FAM135B: variants seen among roughly 807,000 people sequenced by gnomAD.
FAM135B encodes the protein family with sequence similarity 135 member B.
A neutral mutation model predicts 127.7 loss-of-function variants in FAM135B; 43 were observed. That is an observed-to-expected ratio of 0.34 (90% CI 0.26 to 0.43). FAM135B has a LOEUF of 0.43. Ranked by LOEUF, FAM135B falls within the 20% of genes least tolerant of loss-of-function variation. The probability of loss-of-function intolerance (pLI) is 1.00; values close to 1 mark genes in which losing one functional copy is unlikely to be tolerated. For synonymous variants in FAM135B, 670 were observed against 665.1 expected, an observed-to-expected ratio of 1.01 and a Z score of -0.11; for missense variants, 1,558 against 1,725.6, an observed-to-expected ratio of 0.90 and a Z score of 1.72.
chr8:138,471,842 A>G (rs1837692216), intron 1 of FAM135B, among the ~76,000 whole-genome samples: 1 of 152,216 alleles, frequency 6.6e-6, no homozygotes, highest in African/African-American at 2.4e-5. Flanking sequence ...CGTACACCAC[A>G]ATGAAAACAA....
intron 12 of FAM135B, among the ~76,000 whole-genome samples, chr8:138,159,121 A>G: frequency 1.4e-5 from 2 of 145,572 alleles, no homozygotes; most frequent in Non-Finnish European, 3.0e-5. Context: ...AAATACAAAA[A>G]ATTAGCCGGG....
chr8:138,174,457 C>G (rs149097000), intron 11 of FAM135B, among the ~76,000 whole-genome samples: 121 of 152,212 alleles, frequency 7.9e-4, no homozygotes, highest in Non-Finnish European at 1.2e-3. Flanking sequence ...TCACAGTAAG[C>G]CTCACTTCTC....
chr8:138,335,733 G>A (rs1002695985), intron 2 of FAM135B, among the ~76,000 whole-genome samples: 15 of 152,082 alleles, frequency 9.9e-5, no homozygotes, highest in African/African-American at 1.4e-4. Flanking sequence ...CAGGAATTGA[G>A]CTCAGCTCTG....
rs992839334 is a variant in FAM135B, at chr8:138,443,483, T to C, written c.-20+53188A>G. Among the ~76,000 whole-genome samples the C allele has an allele frequency of 2.0e-5, 3 of 152,224 alleles. No homozygotes were observed. In the East Asian group the frequency reaches 5.8e-4, roughly 29 times the overall value. The stretch of plus-strand genomic sequence containing the variant: ...CCAAAAGCAAACAAAAAAAAGGACA[T>C]TTTTCAAAATCTTACACCAAACCTG... On this transcript the variant is annotated intron_variant, in intron 1 of 19. Coordinates refer to ENST00000395297, the MANE Select transcript of FAM135B (RefSeq NM_015912.4).
chr8:138,360,928 CT>C (rs5895517), intron 2 of FAM135B, among the ~76,000 whole-genome samples: 132,522 of 140,796 alleles, frequency 0.94, 62,348 homozygotes, highest in East Asian at 0.99. Context: ...TCCATTTCTT[CT>C]TTTTTTTTTT....
intron 2 of FAM135B, among the ~76,000 whole-genome samples, chr8:138,358,779 C>A (rs1282126247): frequency 6.6e-6 from 1 of 152,118 alleles, no homozygotes; most frequent in Non-Finnish European, 1.5e-5. Context: ...AGTTCTTTTA[C>A]AGCACAAAAC....
rs143340761 is a variant in FAM135B, at chr8:138,405,621, C to T, written c.-19-37619G>A. Among the ~76,000 whole-genome samples the T allele has an allele frequency of 2.6e-3, 398 of 152,184 alleles. 2 individuals are homozygous for T. Among genetic ancestry groups the T allele is most frequent in the African/African-American group, 9.0e-3 (372 of 41,514 alleles). On this transcript the variant is annotated intron_variant, in intron 1 of 19. Coordinates refer to ENST00000395297, the MANE Select transcript of FAM135B (RefSeq NM_015912.4). ...CTTAATGCAGTCTATCATTGTTAGA[C>T]ATTTGGGTTGGTTCCAAATCTTTGC...
In FAM135B at chr8:138,285,033, C is replaced by A. The variant is rs142304759; in HGVS notation, c.158-19191G>T. ...CATTTTCAAAGCATTTCCTTCTCAT[C>A]GGACCATTACAAAAAATAATAAAAA... On this transcript the variant is annotated intron_variant, in intron 3 of 19. Coordinates refer to ENST00000395297, the MANE Select transcript of FAM135B (RefSeq NM_015912.4). Among the ~76,000 whole-genome samples the A allele has an allele frequency of 3.8e-3, 573 of 150,884 alleles. 6 individuals carry two copies. The highest frequency in any genetic ancestry group is 0.013 in the African/African-American group (533 of 41,028).
chr8:138,388,236 C>G (rs966129993), intron 1 of FAM135B, among the ~76,000 whole-genome samples: 2 of 152,136 alleles, frequency 1.3e-5, no homozygotes, highest in Admixed American at 1.3e-4. Flanking sequence ...ATCCAGGAGA[C>G]TAACAATACC....
At chr8:138,330,455 C>G (rs1248381325) in intron 2 of FAM135B, among the ~76,000 whole-genome samples, 1 of 152,172 alleles carries the variant, frequency 6.6e-6, no homozygotes, top group African/African-American at 2.4e-5. Context: ...AACAATCTTG[C>G]TGAAACTTTT....
intron 11 of FAM135B, among the ~76,000 whole-genome samples, chr8:138,170,660 C>T (rs933415960): frequency 6.6e-6 from 1 of 152,190 alleles, no homozygotes; most frequent in Non-Finnish European, 1.5e-5. Context: ...TGGTAAAGCA[C>T]TATACATTCT....
In FAM135B at chr8:138,152,048, T is replaced by C. The variant is rs375472250; in HGVS notation, c.2427A>G (p.Pro809=). Residue 809 remains proline (P), a synonymous_variant, in exon 13 of 20, where the codon CCA becomes CCG. Transcript: ENST00000395297. ...SDMHSKSQGS[P]GSCSQLCGDS... Reference sequence around the variant, plus strand: ...CACCACAAAGTTGAGAGCAAGATCCTGGGGAACCTTGGCTCTTGCTGTGCA... The same window carrying C: ...CACCACAAAGTTGAGAGCAAGATCCCGGGGAACCTTGGCTCTTGCTGTGCA... The C allele has an allele frequency of 2.7e-5, 43 of 1,613,934 alleles. No homozygotes were observed. The African/African-American group carries it at 5.2e-4, about 20-fold the overall frequency.
intron 12 of FAM135B, among the ~76,000 whole-genome samples, chr8:138,160,404 T>G (rs2130849497): frequency 6.6e-6 from 1 of 152,088 alleles, no homozygotes; most frequent in Admixed American, 6.5e-5. Context: ...TATTTTTTCT[T>G]TTGAGATGGA....
chr8:138,184,193 A>G (rs1403545085), intron 9 of FAM135B, among the ~76,000 whole-genome samples: 1 of 152,186 alleles, frequency 6.6e-6, no homozygotes, highest in African/African-American at 2.4e-5. Context: ...CATAGCTTGC[A>G]GAAAGATACT....
chr8:138,304,701 G>A (rs1313046715), intron 3 of FAM135B, among the ~76,000 whole-genome samples: 1 of 152,194 alleles, frequency 6.6e-6, no homozygotes, highest in Non-Finnish European at 1.5e-5. Context: ...GCCCTAGTTG[G>A]CCAGCAGGTA....
chr8:138,174,802 T>A (rs1586684756), intron 11 of FAM135B, among the ~76,000 whole-genome samples: 3 of 152,082 alleles, frequency 2.0e-5, no homozygotes, highest in Admixed American at 2.0e-4. Context: ...GAACTAGGAC[T>A]CTCTGTTCCT....
At chr8:138,347,782 G>C (rs1829513759) in intron 2 of FAM135B, among the ~76,000 whole-genome samples, 1 of 152,062 alleles carries the variant, frequency 6.6e-6, no homozygotes, top group South Asian at 2.1e-4. Context: ...TCCCCAATCT[G>C]ATCTCACAAC....
intron 2 of FAM135B, among the ~76,000 whole-genome samples, chr8:138,347,025 T>C (rs16908878): frequency 0.026 from 3,999 of 152,304 alleles, 161 homozygotes; most frequent in African/African-American, 0.091. Context: ...CCCTGATTGG[T>C]ACATAGGTAT....
chr8:138,216,326 A>C (rs1046936242), intron 7 of FAM135B, among the ~76,000 whole-genome samples: 1 of 152,214 alleles, frequency 6.6e-6, no homozygotes. Flanking sequence ...TCCTCAGACT[A>C]TCTTTTAATA....
Sources: gnomAD v4.1 joint callset for allele counts (sites outside exome capture counted in the v4.1 genomes callset) on GRCh38, gnomAD v4.1.1 for gene constraint, MANE v1.5 for transcripts, NCBI Gene and HGNC (gene_info 2026-07-23, HGNC 2026-07-21) for gene names.